Variants in DNAAF5 observed in about 807,000 individuals in gnomAD.
DNAAF5 encodes the protein dynein axonemal assembly factor 5, also known as HEAT repeat containing 2.
In DNAAF5, 64 loss-of-function variants were observed where a neutral mutation model predicts 75.8. The ratio of observed to expected loss-of-function variants is 0.84; its 90% CI spans 0.69 to 1.04. DNAAF5 has a LOEUF of 1.04. Among genes scored for constraint, DNAAF5 ranks in the 50% least tolerant of loss-of-function variants. The probability of loss-of-function intolerance (pLI) is 0.00; values close to 1 mark genes in which losing one functional copy is unlikely to be tolerated. For synonymous variants in DNAAF5, 657 were observed against 557.2 expected, an observed-to-expected ratio of 1.18 and a Z score of -2.52; for missense variants, 1,269 against 1,178.5, an observed-to-expected ratio of 1.08 and a Z score of -1.12.
intron 2 of DNAAF5, among the ~76,000 whole-genome samples, chr7:733,386 G>C (rs543203060): frequency 6.6e-6 from 1 of 152,274 alleles, no homozygotes; most frequent in African/African-American, 2.4e-5. Flanking sequence ...AAATTGCTTT[G>C]GGTAGTATGG....
chr7:767,889 G>T (rs1778378388), intron 8 of DNAAF5, among the ~76,000 whole-genome samples: 1 of 151,192 alleles, frequency 6.6e-6, no homozygotes, highest in African/African-American at 2.4e-5. Flanking sequence ...TGGTCCGGTG[G>T]AAGTGTCCCT....
Position 785,661 on chromosome 7 carries a change from G to C in DNAAF5, c.*8G>C. 6.2e-7 allele frequency: 1 copy of C among 1,612,198 alleles called. No homozygotes were observed. The highest frequency in any genetic ancestry group is 1.1e-5 in the South Asian group (1 of 91,034). ...GTGCCAGCCACACAGTGACCACGCT[G>C]GTTTCAGCCACGGCACACCCTTGTC... On this transcript the variant is annotated 3_prime_UTR_variant, in exon 13 of 13. Transcript: ENST00000297440.
At chr7:749,625 A>G (rs1782225395) in intron 4 of DNAAF5, among the ~76,000 whole-genome samples, 2 of 152,206 alleles carry the variant, frequency 1.3e-5, no homozygotes, top group Admixed American at 6.5e-5. Flanking sequence ...GCTGGTTAAC[A>G]TTGTTTGAAG....
chr7:736,027 C>T (rs7791311), intron 2 of DNAAF5, among the ~76,000 whole-genome samples: 24,056 of 152,214 alleles, frequency 0.16, 2,099 homozygotes, highest in East Asian at 0.28. Flanking sequence ...ACCGGTCATT[C>T]AGGAGCATAT....
intron 4 of DNAAF5, among the ~76,000 whole-genome samples, chr7:745,661 C>T (rs995152598): frequency 1.3e-5 from 2 of 151,358 alleles, no homozygotes; most frequent in Non-Finnish European, 2.9e-5. Context: ...ACACACTTAT[C>T]CTCACACACG....
Position 775,163 on chromosome 7 carries a change from G to A in DNAAF5, c.2239+1G>A, listed in dbSNP as rs1562399796. On this transcript the variant is annotated splice_donor_variant, in intron 11 of 12. Transcript: ENST00000297440. LOFTEE classifies it high-confidence loss of function. ...GAGAAACTCATCAGGATTTATCCTG[G>A]TAGGACATTTCTGTTGTTCACAGCC... The A allele has an allele frequency of 1.2e-6, 2 of 1,613,934 alleles. No individual in the cohort carries two copies. The highest frequency in any genetic ancestry group is 2.2e-5 in the East Asian group (1 of 44,888).
intron 6 of DNAAF5, among the ~76,000 whole-genome samples, chr7:758,214 A>G (rs1782547312): frequency 6.6e-6 from 1 of 152,358 alleles, no homozygotes; most frequent in African/African-American, 2.4e-5. Flanking sequence ...ATTTCTGTAT[A>G]CAGATTTGCA....
chr7:743,426 G>A (rs901856960), intron 4 of DNAAF5, among the ~76,000 whole-genome samples: 1 of 151,966 alleles, frequency 6.6e-6, no homozygotes, highest in Non-Finnish European at 1.5e-5. Context: ...TTGATGTTTG[G>A]TGCCCTGTTA....
intron 4 of DNAAF5, among the ~76,000 whole-genome samples, chr7:742,273 G>A (rs1305775954): frequency 1.3e-5 from 2 of 152,322 alleles, no homozygotes; most frequent in East Asian, 1.9e-4. Flanking sequence ...AGGACAAAAA[G>A]TAGGTGAAGC....
chr7:770,188 G>A lies in DNAAF5; in HGVS notation c.1784-283G>A, dbSNP rs62432867. On this transcript the variant is annotated intron_variant, in intron 8 of 12. Transcript: ENST00000297440. The stretch of plus-strand genomic sequence containing the variant: ...GCTGGTCTCAAACTCTGGACCTCAG[G>A]TGATCCTCCCTCCTTGGCCTCCCAA... Among the ~76,000 whole-genome samples the A allele has an allele frequency of 0.018, 2,700 of 152,266 alleles. 28 individuals carry two copies. Among genetic ancestry groups the A allele is most frequent in the Non-Finnish European group, 0.029 (1,957 of 68,024 alleles).
chr7:761,688 T>C, intron 6 of DNAAF5, 65 bp from the exon 7 acceptor site: 1 of 1,508,644 alleles, frequency 6.6e-7, no homozygotes, highest in Non-Finnish European at 8.9e-7. Flanking sequence ...CAGTTCAAGA[T>C]GGGATTCGGG....
intron 12 of DNAAF5, among the ~76,000 whole-genome samples, chr7:780,878 CTTTT>C (rs1168547134): frequency 4.2e-4 from 38 of 90,378 alleles, no homozygotes; most frequent in Non-Finnish European, 6.1e-4. Flanking sequence ...TGACGTTGTT[CTTTT>C]TTTTAATAAA....
chr7:745,569 G>A (rs920777714), intron 4 of DNAAF5, among the ~76,000 whole-genome samples: 9 of 151,882 alleles, frequency 5.9e-5, no homozygotes, highest in African/African-American at 1.9e-4. Flanking sequence ...CCTCGCACAT[G>A]TGCACACCCA....
intron 4 of DNAAF5, among the ~76,000 whole-genome samples, chr7:742,724 C>T (rs1781948756): frequency 6.6e-6 from 1 of 151,456 alleles, no homozygotes; most frequent in Non-Finnish European, 1.5e-5. Flanking sequence ...ATCAGATGCC[C>T]AGCTCAAATC....
chr7:762,694 A>C (rs1782699983), intron 7 of DNAAF5, among the ~76,000 whole-genome samples: 1 of 151,694 alleles, frequency 6.6e-6, no homozygotes, highest in Non-Finnish European at 1.5e-5. Context: ...GCTCACTGCA[A>C]CTTCTGCCTC....
chr7:749,437 G>A (rs1204683364), intron 4 of DNAAF5, among the ~76,000 whole-genome samples: 2 of 152,216 alleles, frequency 1.3e-5, no homozygotes, highest in East Asian at 1.9e-4. Flanking sequence ...TTAGAAGTGA[G>A]CAGGGTTCCC....
At chr7:773,371 C>T (rs1216168628) in intron 9 of DNAAF5, among the ~76,000 whole-genome samples, 1 of 152,152 alleles carries the variant, frequency 6.6e-6, no homozygotes, top group African/African-American at 2.4e-5. Flanking sequence ...TCTTGGAGAC[C>T]AGAGCCACCT....
chr7:768,934 G>A (rs1459733077), intron 8 of DNAAF5: 1 of 555,092 alleles, frequency 1.8e-6, no homozygotes, highest in African/African-American at 1.9e-5. Flanking sequence ...GGCGGCACTT[G>A]GCCCAAGACT....
At chr7:770,745 G>A (rs1778534992) in intron 9 of DNAAF5, 127 bp downstream of exon 9, 6 of 886,914 alleles carry the variant, frequency 6.8e-6, no homozygotes, top group Non-Finnish European at 1.0e-5. Flanking sequence ...CACTGCGCAA[G>A]GGGTTCCCCA....
Sources: allele counts gnomAD v4.1 joint callset (sites outside exome capture counted in the v4.1 genomes callset), GRCh38; gene constraint gnomAD v4.1.1; transcripts MANE v1.5; gene names NCBI Gene and HGNC (gene_info 2026-07-23, HGNC 2026-07-21).